The following CSMD1 variants were observed in gnomAD, a reference collection of about 807,000 sequenced individuals.
The protein encoded by CSMD1 is CUB and sushi domain-containing protein 1.
Under a neutral mutation model 417.5 loss-of-function variants are expected in CSMD1, and 213 were observed. That is an observed-to-expected ratio of 0.51 (90% CI 0.46 to 0.57). The LOEUF (loss-of-function observed/expected upper bound fraction) is 0.57, where lower values mean the gene tolerates loss of function less well. Among genes scored for constraint, CSMD1 ranks in the 20% least tolerant of loss-of-function variants. The pLI is 0.00. For synonymous variants in CSMD1, 2,862 were observed against 1,736.8 expected, an observed-to-expected ratio of 1.65 and a Z score of -16.11; for missense variants, 6,923 against 4,529.7, an observed-to-expected ratio of 1.53 and a Z score of -15.17.
rs374742920 is a variant in CSMD1, at chr8:4,514,806, T to G, written c.303-94741A>C. ...GGTGATTACATGACTCATACCTTAG[T>G]GCTGGCTGCTGTTACTGTTTTCCAA... On this transcript the variant is annotated intron_variant, in intron 2 of 69. Transcript: ENST00000635120. 1.4e-4 allele frequency among the ~76,000 whole-genome samples: 21 copies of G among 152,278 alleles called. No homozygotes were observed. The South Asian group carries it at 3.5e-3, about 26-fold the overall frequency.
At position 4,920,496 on chromosome 8, in the gene CSMD1, G is replaced by C. The variant is rs542976641; in HGVS notation, c.85+73836C>G. The stretch of plus-strand genomic sequence containing the variant: ...CAAGATCATTTTTCTCAGGAATCAA[G>C]GATTTAGTTACTGGGGACCTGTCCT... On this transcript the variant is annotated intron_variant, in intron 1 of 69. Coordinates refer to ENST00000635120, the MANE Select transcript of CSMD1 (RefSeq NM_033225.6). 1.6e-3 allele frequency among the ~76,000 whole-genome samples: 246 copies of C among 152,228 alleles called. 1 individual carries two copies. Among genetic ancestry groups the C allele is most frequent in the Non-Finnish European group, 2.9e-3 (195 of 68,012 alleles).
chr8:3,644,657 C>G (rs1225618626), intron 7 of CSMD1, among the ~76,000 whole-genome samples: 1 of 152,080 alleles, frequency 6.6e-6, no homozygotes, highest in African/African-American at 2.4e-5. Flanking sequence ...AAGAGGGCAG[C>G]AGGTTCAAGT....
At position 4,920,979 on chromosome 8, in the gene CSMD1, AAACAAAGAAAG is replaced by A. The variant is rs1387312699; in HGVS notation, c.85+73342_85+73352del. Among the ~76,000 whole-genome samples, 2 of 17,802 alleles carry A rather than the reference AAACAAAGAAAG, an allele frequency of 1.1e-4. 1 individual carries two copies. The highest frequency in any genetic ancestry group is 3.3e-4 in the Non-Finnish European group (2 of 6,072). 11.7% of individuals were successfully genotyped at this position (17,802 alleles called of 152,430 possible). A position where few individuals can be genotyped will look rare whatever the true frequency, so the allele number is the denominator to read the frequency against. On this transcript the variant is annotated intron_variant, in intron 1 of 69. Coordinates refer to ENST00000635120, the MANE Select transcript of CSMD1 (RefSeq NM_033225.6). ...GAAAGAAAGAAAGAAAGAAAGAAAG[AAACAAAGAAAG>A]AAAGAAAAGAAAGAAAGAAAGAAAA...
intron 28 of CSMD1, among the ~76,000 whole-genome samples, chr8:3,221,176 G>A (rs1424116083): frequency 1.3e-5 from 2 of 152,174 alleles, no homozygotes; most frequent in Non-Finnish European, 2.9e-5. Flanking sequence ...GGTACCGCCA[G>A]CATCGGTGCA....
intron 1 of CSMD1, among the ~76,000 whole-genome samples, chr8:4,740,150 C>T (rs1022178430): frequency 6.6e-6 from 1 of 152,086 alleles, no homozygotes; most frequent in Non-Finnish European, 1.5e-5. Flanking sequence ...GCAGGGATGA[C>T]TGTGCAATGA....
At chr8:3,521,256 C>T (rs747797705) in intron 10 of CSMD1, among the ~76,000 whole-genome samples, 5 of 152,310 alleles carry the variant, frequency 3.3e-5, no homozygotes, top group African/African-American at 4.8e-5. Context: ...CCCAGGGATT[C>T]GTCCAATCTG....
At position 4,661,662 on chromosome 8, in the gene CSMD1, T is replaced by C. The variant is rs566364183; in HGVS notation, c.86-24104A>G. On this transcript the variant is annotated intron_variant, in intron 1 of 69. Coordinates refer to ENST00000635120, the MANE Select transcript of CSMD1 (RefSeq NM_033225.6). ...AACTGAGCAATAGATACAAGATATC[T>C]CTCCGTATTATTGTTTACAACTTCA... Among the ~76,000 whole-genome samples, 11 of 152,326 alleles carry C rather than the reference T, an allele frequency of 7.2e-5. No individual in the cohort carries two copies. In the South Asian group the frequency reaches 2.3e-3, roughly 32 times the overall value.
At chr8:3,149,380 C>T (rs1158817729) in intron 40 of CSMD1, among the ~76,000 whole-genome samples, 1 of 152,178 alleles carries the variant, frequency 6.6e-6, no homozygotes, top group African/African-American at 2.4e-5. Context: ...CAAAATACAA[C>T]TGGGTGACTT....
chr8:4,320,104 C>T (rs1799183488), intron 3 of CSMD1, among the ~76,000 whole-genome samples: 1 of 152,116 alleles, frequency 6.6e-6, no homozygotes, highest in Non-Finnish European at 1.5e-5. Flanking sequence ...CAAAAAAATC[C>T]AACCCTTTGC....
intron 3 of CSMD1, among the ~76,000 whole-genome samples, chr8:4,075,792 T>A (rs540433597): frequency 3.0e-4 from 45 of 152,266 alleles, no homozygotes; most frequent in African/African-American, 9.1e-4. Context: ...CAAGAGGTTG[T>A]GATGACAGAG....
Position 3,214,684 on chromosome 8 carries a change from T to C in CSMD1, c.4680A>G (p.Pro1560=). The C allele has an allele frequency of 6.5e-7, 1 of 1,550,026 alleles. No homozygotes were observed. The highest frequency in any genetic ancestry group is 8.7e-7 in the Non-Finnish European group (1 of 1,146,248). Residue 1560 remains proline, a synonymous_variant, in exon 30 of 70, where the codon CCA becomes CCG. Coordinates refer to ENST00000635120, the MANE Select transcript of CSMD1 (RefSeq NM_033225.6). The part of the protein sequence containing the change: ...SGFAIEFKEK[P]REACFDPGNI... ...TTCCTGGGTCAAAACAAGCTTCCCG[T>C]GGTTTCTCTGTGGAAGAAATGAATG...
intron 5 of CSMD1, among the ~76,000 whole-genome samples, chr8:3,834,916 C>G (rs1332402249): frequency 6.6e-6 from 1 of 152,006 alleles, no homozygotes. Flanking sequence ...AGGACATGAA[C>G]AGACACTTCT....
chr8:3,688,587 T>C (rs957362198), intron 7 of CSMD1, among the ~76,000 whole-genome samples: 7 of 152,212 alleles, frequency 4.6e-5, no homozygotes, highest in African/African-American at 9.6e-5. Context: ...TCATAATTAT[T>C]ATTTATACAA....
At chr8:3,254,742 G>T (rs1275751911) in intron 26 of CSMD1, among the ~76,000 whole-genome samples, 1 of 152,086 alleles carries the variant, frequency 6.6e-6, no homozygotes, top group Non-Finnish European at 1.5e-5. Flanking sequence ...AAGGACTTCT[G>T]TGCATTGGTT....
chr8:4,032,434 G>C (rs1178295240), intron 3 of CSMD1, among the ~76,000 whole-genome samples: 6 of 151,602 alleles, frequency 4.0e-5, no homozygotes, highest in African/African-American at 7.3e-5. Flanking sequence ...TGAGCAACCA[G>C]ATGTCAGTGT....
chr8:4,750,106 C>G (rs533290522), intron 1 of CSMD1, among the ~76,000 whole-genome samples: 1 of 152,132 alleles, frequency 6.6e-6, no homozygotes, highest in Non-Finnish European at 1.5e-5. Context: ...CCCGGGTTCA[C>G]CCCATTCTCC....
intron 3 of CSMD1, among the ~76,000 whole-genome samples, chr8:4,105,107 C>A (rs1585322415): frequency 6.6e-6 from 1 of 152,126 alleles, no homozygotes; most frequent in Admixed American, 6.5e-5. Flanking sequence ...TTTAATGTGT[C>A]CTTAGCTCCC....
rs181890597 is a variant in CSMD1, at chr8:3,306,400, C to T, written c.3950+1295G>A. ...TGCTGGCCAGGCTGATCTCGAACTA[C>T]TGATCTTAAGTGATCCACCCACCTC... On this transcript the variant is annotated intron_variant, in intron 25 of 69. Transcript: ENST00000635120. Among the ~76,000 whole-genome samples the T allele has an allele frequency of 5.9e-5, 9 of 152,268 alleles. No homozygotes were observed. The East Asian group carries it at 1.6e-3, about 26-fold the overall frequency.
intron 39 of CSMD1, among the ~76,000 whole-genome samples, chr8:3,157,200 C>G (rs1819589953): frequency 6.6e-6 from 1 of 151,948 alleles, no homozygotes; most frequent in African/African-American, 2.4e-5. Context: ...TGGGCTACAA[C>G]AAATAGGTGA....
Sources: gnomAD v4.1 joint callset for allele counts (sites outside exome capture counted in the v4.1 genomes callset) on GRCh38, gnomAD v4.1.1 for gene constraint, MANE v1.5 for transcripts, NCBI Gene and HGNC (gene_info 2026-07-23, HGNC 2026-07-21) for gene names.